The following ENTPD4 variants were observed in gnomAD, a reference collection of about 807,000 sequenced individuals.
The protein encoded by ENTPD4 is ectonucleoside triphosphate diphosphohydrolase 4.
Under a neutral mutation model 79.1 loss-of-function variants are expected in ENTPD4, and 60 were observed. The observed-to-expected ratio is 0.76, with a 90% confidence interval of 0.62 to 0.94. ENTPD4 has a LOEUF of 0.94. Ranked by LOEUF, ENTPD4 falls within the 40% of genes least tolerant of loss-of-function variation. ENTPD4 has a pLI of 0.00. For synonymous variants in ENTPD4, 276 were observed against 292.0 expected, an observed-to-expected ratio of 0.95 and a Z score of 0.56; for missense variants, 772 against 775.1, an observed-to-expected ratio of 1.00 and a Z score of 0.05.
Position 23,434,303 on chromosome 8 carries a change from A to AT in ENTPD4, c.1622+13dup, listed in dbSNP as rs762598899. On this transcript the variant is annotated intron_variant, in intron 12 of 12. Coordinates refer to ENST00000358689, the MANE Select transcript of ENTPD4 (RefSeq NM_004901.5). ...GCATCTTTTTGATTCTCGTTCCCAA[A>AT]TTCACAGCCCTACCTTAATGGTAGA... The AT allele has an allele frequency of 9.3e-6, 15 of 1,608,116 alleles. No homozygotes were observed. Among genetic ancestry groups the AT allele is most frequent in the Non-Finnish European group, 1.7e-6 (2 of 1,175,470 alleles).
In ENTPD4 at chr8:23,437,262, T is replaced by C. The variant is rs1800582584; in HGVS notation, c.1050-4A>G. 2.6e-6 allele frequency: 4 copies of C among 1,564,934 alleles called. No homozygotes were observed. The highest frequency in any genetic ancestry group is 1.4e-5 in the African/African-American group (1 of 72,580). On this transcript the variant is annotated splice_region_variant and splice_polypyrimidine_tract_variant and intron_variant, in intron 9 of 12. Transcript: ENST00000358689. ...ACCAGTCTGTTTACCCAGGAGCCTATGGCAAAACAAGAAACTTCATCGTGA... is the reference window on the plus strand; with the variant it reads ...ACCAGTCTGTTTACCCAGGAGCCTACGGCAAAACAAGAAACTTCATCGTGA...
At chr8:23,433,208 GA>G (rs1476280754) in intron 12 of ENTPD4, 54 bp from the exon 13 acceptor site, 11 of 1,525,040 alleles carry the variant, frequency 7.2e-6, no homozygotes, top group Non-Finnish European at 1.0e-5. Flanking sequence ...GAAAGGGGTG[GA>G]AAGGGTGCAC....
chr8:23,457,405 C>CCGCGGTGCTGAGCGGGCAGCGGCGGTGG (rs1554490984), intron 1 of ENTPD4, among the ~76,000 whole-genome samples, 152 bp downstream of exon 1: 12 of 151,526 alleles, frequency 7.9e-5, no homozygotes, highest in African/African-American at 2.9e-4. Context: ...GGGAACCGGT[C>CCGCGGTGCTGAGCGGGCAGCGGCGGTGG]CGCGGGGCTA....
chr8:23,431,937 T>G lies in ENTPD4; in HGVS notation c.*989A>C, dbSNP rs1212349212. ...GTAACGAGGATTTTTCTAAATAAAA[T>G]GTACCAGTAAATTCTGAAGTGTGTG... On this transcript the variant is annotated 3_prime_UTR_variant, in exon 13 of 13. Coordinates refer to ENST00000358689, the MANE Select transcript of ENTPD4 (RefSeq NM_004901.5). The G allele has an allele frequency of 2.0e-6, 2 of 985,282 alleles. No homozygotes were observed. The highest frequency in any genetic ancestry group is 2.3e-4 in the East Asian group (2 of 8,834). The allele number at this position is 985,282 out of a possible 1,614,324, so 61.0% of individuals were successfully genotyped here.
chr8:23,437,765 T>A (rs945854857), intron 9 of ENTPD4, among the ~76,000 whole-genome samples: 1 of 152,234 alleles, frequency 6.6e-6, no homozygotes, highest in African/African-American at 2.4e-5. Flanking sequence ...GGATTTGGTA[T>A]CAAATTGCCT....
chr8:23,453,940 T>C (rs1368084352), intron 1 of ENTPD4, among the ~76,000 whole-genome samples: 1 of 152,180 alleles, frequency 6.6e-6, no homozygotes, highest in Non-Finnish European at 1.5e-5. Context: ...ATGACATAGA[T>C]CTATTTATTG....
rs755054888 is a variant in ENTPD4 at position 23,437,056 on chromosome 8, G to C, written c.1252C>G (p.Gln418Glu). Residue 418 changes from glutamine (Q) to glutamate (E), a missense_variant, in exon 10 of 13, where the codon CAG becomes GAG. Physicochemically the swap from Gln to Glu is conservative, Grantham distance 29. Coordinates refer to ENST00000358689, the MANE Select transcript of ENTPD4 (RefSeq NM_004901.5). ...ETQTSLNGVY[Q>E]PPIHFQNSEF... is the part of the protein sequence containing the mutation. ...CTGTTCTGGAAGTGAATTGGGGGCT[G>C]GTAGACCCCATTGAGGGAAGTCTGG... is the stretch of plus-strand genomic sequence containing the variant. 6.2e-7 allele frequency: 1 copy of C among 1,613,466 alleles called. No individual in the cohort carries two copies.
rs1800474999 is a variant in ENTPD4 at position 23,432,622 on chromosome 8, C to T, written c.*304G>A. On this transcript the variant is annotated 3_prime_UTR_variant, in exon 13 of 13. Coordinates refer to ENST00000358689, the MANE Select transcript of ENTPD4 (RefSeq NM_004901.5). Reference sequence around the variant, plus strand: ...CATGCCATTCTCCTGCCTCAGCCTCCTGAGTAGCTGGGACTACGGGCGCCC... The same window carrying T: ...CATGCCATTCTCCTGCCTCAGCCTCTTGAGTAGCTGGGACTACGGGCGCCC... The T allele has an allele frequency of 6.1e-6, 4 of 659,834 alleles. No homozygotes were observed. Among genetic ancestry groups the T allele is most frequent in the Admixed American group, 4.9e-5 (1 of 20,318 alleles). 40.9% of individuals were successfully genotyped at this position (659,834 alleles called of 1,614,324 possible).
intron 1 of ENTPD4, among the ~76,000 whole-genome samples, chr8:23,456,567 T>C (rs1211192145): frequency 6.6e-6 from 1 of 152,218 alleles, no homozygotes; most frequent in Admixed American, 6.5e-5. Context: ...GGTAGAAGAA[T>C]ATAAGCCATA....
chr8:23,434,445 C>G lies in ENTPD4; in HGVS notation c.1494G>C (p.Glu498Asp), dbSNP rs756912175. ...GAAACGAAAAGCCCCTATGAAACAC[C>G]TCAAACATCCAGGCCGATTTGAAGC... ...YQCFKSAWMF[E>D]VFHRGFSFPV... is the part of the protein sequence containing the mutation. The change falls in exon 12 of 13, where the codon GAG becomes GAC. Residue 498 changes from glutamate (E) to aspartate (D), a missense_variant. Coordinates refer to ENST00000358689, the MANE Select transcript of ENTPD4 (RefSeq NM_004901.5). The G allele has an allele frequency of 1.2e-6, 2 of 1,614,150 alleles. No individual in the cohort carries two copies. The highest frequency in any genetic ancestry group is 2.2e-5 in the South Asian group (2 of 91,086).
chr8:23,451,896 C>T (rs1426585741), intron 1 of ENTPD4, among the ~76,000 whole-genome samples: 3 of 152,216 alleles, frequency 2.0e-5, no homozygotes, highest in African/African-American at 7.2e-5. Flanking sequence ...CAATTCCCTT[C>T]CCTGATTGAT....
At position 23,447,705 on chromosome 8, in the gene ENTPD4, C is replaced by A. The variant is rs1209316618; in HGVS notation, c.387G>T (p.Lys129Asn). 1 of 1,614,080 alleles carries A rather than the reference C, an allele frequency of 6.2e-7. No individual in the cohort carries two copies. The highest frequency in any genetic ancestry group is 1.1e-5 in the South Asian group (1 of 91,080). ...CCGGTTTTATCTTCATGACCACTGGCTTTCGGTTTTTATCCCTCATTTGCC... is the reference window on the plus strand; with the variant it reads ...CCGGTTTTATCTTCATGACCACTGGATTTCGGTTTTTATCCCTCATTTGCC... ...DIRQMRDKNR[K>N]PVVMKIKPGI... The change falls in exon 4 of 13, where the codon AAG becomes AAT. Residue 129 changes from lysine (K) to asparagine (N), a missense_variant. Physicochemically the swap from Lys to Asn is moderately conservative, Grantham distance 94 (BLOSUM62 0). Coordinates refer to ENST00000358689, the MANE Select transcript of ENTPD4 (RefSeq NM_004901.5).
chr8:23,455,285 C>A (rs1207899365), intron 1 of ENTPD4, among the ~76,000 whole-genome samples: 1 of 152,236 alleles, frequency 6.6e-6, no homozygotes, highest in Admixed American at 6.5e-5. Flanking sequence ...TGGGAGAGCT[C>A]AGCTTCTGAA....
At chr8:23,439,514 T>C (rs1800630040) in intron 9 of ENTPD4, among the ~76,000 whole-genome samples, 1 of 152,204 alleles carries the variant, frequency 6.6e-6, no homozygotes, top group Non-Finnish European at 1.5e-5. Flanking sequence ...TCAGTTGAGA[T>C]GCGGGTGAGA....
In ENTPD4 at chr8:23,432,982, C is replaced by T. The variant is rs1017209730; in HGVS notation, c.1795G>A (p.Ala599Thr). Reference protein sequence around the residue: ...HRRTPRSSSAAALWMEEGLPA... With the variant: ...HRRTPRSSSATALWMEEGLPA... ...AGGCCCTCCTCCATCCAGAGGGCGGCGGCCGAGCTGCTCCGGGGAGTGCGC... is the reference window on the plus strand; with the variant it reads ...AGGCCCTCCTCCATCCAGAGGGCGGTGGCCGAGCTGCTCCGGGGAGTGCGC... The change falls in exon 13 of 13, where the codon GCC becomes ACC. Residue 599 changes from alanine (A) to threonine (T), a missense_variant. Coordinates refer to ENST00000358689, the MANE Select transcript of ENTPD4 (RefSeq NM_004901.5). 29 of 1,613,396 alleles carry T rather than the reference C, an allele frequency of 1.8e-5. No individual in the cohort carries two copies. The African/African-American group carries it at 2.1e-4, about 12-fold the overall frequency.
chr8:23,446,909 G>T (rs995535026), intron 4 of ENTPD4, among the ~76,000 whole-genome samples: 7 of 152,000 alleles, frequency 4.6e-5, no homozygotes, highest in Non-Finnish European at 8.8e-5. Context: ...GTTTGCATTT[G>T]ATATTTTACT....
At position 23,447,902 on chromosome 8, in the gene ENTPD4, C is replaced by G. The variant is rs113319091; in HGVS notation, c.207-17G>C. The G allele has an allele frequency of 4.4e-4, 706 of 1,603,490 alleles. 3 individuals carry two copies. In the African/African-American group the frequency reaches 8.4e-3, roughly 19 times the overall value. ...GCCAGGTACCTTGTATAGAAACACACGTATGCTTTGATTTAGACAAAGAAT... is the reference window on the plus strand; with the variant it reads ...GCCAGGTACCTTGTATAGAAACACAGGTATGCTTTGATTTAGACAAAGAAT... On this transcript the variant is annotated splice_polypyrimidine_tract_variant and intron_variant, in intron 3 of 12. Coordinates refer to ENST00000358689, the MANE Select transcript of ENTPD4 (RefSeq NM_004901.5).
intron 8 of ENTPD4, among the ~76,000 whole-genome samples, chr8:23,440,254 T>C (rs929062384): frequency 4.6e-5 from 7 of 152,262 alleles, no homozygotes; most frequent in Admixed American, 3.9e-4. Flanking sequence ...TTTGTCATTC[T>C]GTGACAGAAA....
chr8:23,456,007 C>T (rs1800951195), intron 1 of ENTPD4, among the ~76,000 whole-genome samples: 1 of 152,174 alleles, frequency 6.6e-6, no homozygotes, highest in Non-Finnish European at 1.5e-5. Flanking sequence ...GGCGACTCAC[C>T]CACCTTCTGC....
Sources: gnomAD v4.1 joint callset for allele counts (sites outside exome capture counted in the v4.1 genomes callset) on GRCh38, gnomAD v4.1.1 for gene constraint, MANE v1.5 for transcripts, NCBI Gene and HGNC (gene_info 2026-07-23, HGNC 2026-07-21) for gene names.